Variants in LRRC7 observed in about 807,000 individuals in gnomAD.
The protein encoded by LRRC7 is leucine rich repeat containing 7.
LRRC7 carries 23 observed loss-of-function variants against 175.7 expected under a neutral mutation model. That is an observed-to-expected ratio of 0.13 (90% confidence interval 0.09 to 0.19). The LOEUF (loss-of-function observed/expected upper bound fraction) is 0.19. LRRC7 is among the 10% of genes least tolerant of loss of function. The pLI, the probability that LRRC7 is intolerant of heterozygous loss-of-function variation, is 1.00. For synonymous variants in LRRC7, 685 were observed against 680.9 expected, an observed-to-expected ratio of 1.01 and a Z score of -0.09; for missense variants, 1,354 against 1,904.7, an observed-to-expected ratio of 0.71 and a Z score of 5.38.
At chr1:69,967,668 C>T (rs970504930) in intron 8 of LRRC7, among the ~76,000 whole-genome samples, 1 of 152,190 alleles carries the variant, frequency 6.6e-6, no homozygotes, top group Non-Finnish European at 1.5e-5. Context: ...CAGAGCCTGG[C>T]AGACTTGCTG....
chr1:69,979,690 T>G (rs1209965883), intron 8 of LRRC7, among the ~76,000 whole-genome samples: 1 of 152,080 alleles, frequency 6.6e-6, no homozygotes. Context: ...CCCCAACTAT[T>G]CAACAAATAA....
At chr1:70,047,799 C>A (rs1212427174) in intron 22 of LRRC7, among the ~76,000 whole-genome samples, 1 of 151,562 alleles carries the variant, frequency 6.6e-6, no homozygotes, top group Non-Finnish European at 1.5e-5. Context: ...TAAGAAAATG[C>A]CAACAAATAT....
At chr1:69,964,802 A>G (rs1365748927) in intron 8 of LRRC7, among the ~76,000 whole-genome samples, 1 of 152,190 alleles carries the variant, frequency 6.6e-6, no homozygotes, top group African/African-American at 2.4e-5. Flanking sequence ...CAACTCTCAG[A>G]TATTCAAAGG....
chr1:69,761,936 T>TG (rs936639720), intron 3 of LRRC7, among the ~76,000 whole-genome samples: 30 of 151,978 alleles, frequency 2.0e-4, no homozygotes, highest in South Asian at 1.2e-3. Flanking sequence ...AAAATAGGCA[T>TG]GGGGGGTGGC....
intron 1 of LRRC7, among the ~76,000 whole-genome samples, chr1:69,676,747 G>A (rs1659821259): frequency 6.6e-6 from 1 of 151,974 alleles, no homozygotes; most frequent in Admixed American, 6.6e-5. Flanking sequence ...AATTAAATCA[G>A]CAATTCCATT....
intron 18 of LRRC7, among the ~76,000 whole-genome samples, chr1:70,031,863 A>G (rs1293746364): frequency 6.7e-6 from 1 of 150,166 alleles, no homozygotes; most frequent in East Asian, 2.0e-4. Context: ...CAGTGGTGCG[A>G]TCTCAGCTCA....
chr1:69,925,914 T>C (rs1227649844), intron 7 of LRRC7, among the ~76,000 whole-genome samples: 1 of 140,922 alleles, frequency 7.1e-6, no homozygotes, highest in African/African-American at 2.5e-5. Flanking sequence ...TTTGGATCTT[T>C]CCTGCTTTGT....
chr1:70,024,727 G>C (rs1164487777), intron 17 of LRRC7, among the ~76,000 whole-genome samples: 2 of 151,684 alleles, frequency 1.3e-5, no homozygotes, highest in Non-Finnish European at 1.5e-5. Context: ...CTTATATTTG[G>C]GTATTACTTA....
At chr1:70,110,687 G>C (rs1665468365) in intron 26 of LRRC7, among the ~76,000 whole-genome samples, 1 of 152,040 alleles carries the variant, frequency 6.6e-6, no homozygotes, top group African/African-American at 2.4e-5. Flanking sequence ...CTTGTACCTA[G>C]TCCAATAAAA....
intron 2 of LRRC7, among the ~76,000 whole-genome samples, chr1:69,750,383 T>A (rs913655015): frequency 1.3e-5 from 2 of 152,198 alleles, no homozygotes; most frequent in Non-Finnish European, 2.9e-5. Context: ...TTACTCTGAT[T>A]TGATTGTCAC....
intron 2 of LRRC7, among the ~76,000 whole-genome samples, chr1:69,731,827 A>G (rs1667611670): frequency 6.6e-6 from 1 of 152,168 alleles, no homozygotes; most frequent in South Asian, 2.1e-4. Flanking sequence ...GGCAGTTTAT[A>G]AGCACTTATG....
intron 7 of LRRC7, among the ~76,000 whole-genome samples, chr1:69,862,071 G>A (rs1684416972): frequency 6.6e-6 from 1 of 152,172 alleles, no homozygotes; most frequent in African/African-American, 2.4e-5. Flanking sequence ...TGTACACAAA[G>A]AGCACTGTCT....
chr1:69,888,932 C>T (rs1645746832), intron 7 of LRRC7, among the ~76,000 whole-genome samples: 2 of 152,124 alleles, frequency 1.3e-5, no homozygotes, highest in South Asian at 4.1e-4. Context: ...AGAGATATTG[C>T]AGACTCAGTT....
chr1:70,006,957 G>A (rs1037165074), intron 11 of LRRC7, among the ~76,000 whole-genome samples: 1 of 152,134 alleles, frequency 6.6e-6, no homozygotes, highest in Admixed American at 6.6e-5. Flanking sequence ...GTCCTTGCTG[G>A]GTGTGCCACC....
intron 2 of LRRC7, among the ~76,000 whole-genome samples, chr1:69,744,577 G>A (rs1457739365): frequency 1.3e-5 from 2 of 151,792 alleles, no homozygotes; most frequent in Non-Finnish European, 1.5e-5. Flanking sequence ...TATAATTGCC[G>A]GAGGTGGATT....
intron 1 of LRRC7, among the ~76,000 whole-genome samples, chr1:69,572,427 A>G (rs1466065267): frequency 6.6e-6 from 1 of 152,162 alleles, no homozygotes. Context: ...CAGGCTTCAC[A>G]TATGTTTTAA....
chr1:69,693,457 G>T (rs765160519), intron 2 of LRRC7, among the ~76,000 whole-genome samples: 2 of 152,158 alleles, frequency 1.3e-5, no homozygotes, highest in Non-Finnish European at 2.9e-5. Context: ...AGGATAGGCC[G>T]ATAGGCTGGA....
intron 7 of LRRC7, among the ~76,000 whole-genome samples, chr1:69,877,529 A>G (rs766676730): frequency 6.6e-6 from 1 of 152,172 alleles, no homozygotes; most frequent in Non-Finnish European, 1.5e-5. Context: ...CATAGAATGA[A>G]CTCATTTTAA....
At chr1:70,090,826 C>T (rs528210285) in intron 25 of LRRC7, among the ~76,000 whole-genome samples, 1 of 152,206 alleles carries the variant, frequency 6.6e-6, no homozygotes, top group South Asian at 2.1e-4. Flanking sequence ...TCTGAAAAAC[C>T]TGGGATGCCA....
Sources: allele counts gnomAD v4.1 joint callset (sites outside exome capture counted in the v4.1 genomes callset), GRCh38; gene constraint gnomAD v4.1.1; transcripts MANE v1.5; gene names NCBI Gene and HGNC (gene_info 2026-07-23, HGNC 2026-07-21).